Variants in TTC6 observed in about 807,000 individuals in gnomAD.
TTC6 encodes the protein tetratricopeptide repeat domain 6, also known as tetratricopeptide repeat protein 6.
TTC6 carries 172 observed loss-of-function variants against 210.4 expected under a neutral mutation model. The observed-to-expected ratio is 0.82, with a 90% CI of 0.72 to 0.93. The LOEUF (loss-of-function observed/expected upper bound fraction) is 0.93, where lower values mean the gene tolerates loss of function less well. Among genes scored for constraint, TTC6 ranks in the 40% least tolerant of loss-of-function variants. The pLI, the probability that TTC6 is intolerant of heterozygous loss-of-function variation, is 0.00. For synonymous variants in TTC6, 804 were observed against 819.6 expected, an observed-to-expected ratio of 0.98 and a Z score of 0.32; for missense variants, 2,414 against 2,318.1, an observed-to-expected ratio of 1.04 and a Z score of -0.85.
chr14:37,677,469 GTGTAATCA>G (rs2095772629), intron 1 of TTC6, among the ~76,000 whole-genome samples: 1 of 151,796 alleles, frequency 6.6e-6, no homozygotes, highest in Non-Finnish European at 1.5e-5. Context: ...TTCTGTATAT[GTGTAATCA>G]TATTCATTTG....
rs748131139 is a variant in TTC6 at position 37,796,802 on chromosome 14, G to A, written c.3884G>A (p.Ser1295Asn). Residue 1295 changes from serine to asparagine, a missense_variant, in exon 20 of 31, where the codon AGT (serine) becomes AAT (asparagine). Ser to Asn is a conservative substitution (Grantham distance 46, BLOSUM62 1). Transcript: ENST00000553443. Reference sequence around the variant, plus strand: ...TCCCTTTTAGGTCTCAGTGAGTTGAGTCCTATGCAGCAAGCCCTTATTTAT... The same window carrying A: ...TCCCTTTTAGGTCTCAGTGAGTTGAATCCTATGCAGCAAGCCCTTATTTAT... 35 of 1,604,950 alleles carry A rather than the reference G, an allele frequency of 2.2e-5. 1 individual carries two copies. Among genetic ancestry groups the A allele is most frequent in the South Asian group, 6.8e-5 (6 of 88,676 alleles).
intron 20 of TTC6, among the ~76,000 whole-genome samples, chr14:37,799,635 C>CA (rs2096101338): frequency 6.6e-6 from 1 of 152,192 alleles, no homozygotes; most frequent in South Asian, 2.1e-4. Flanking sequence ...CTTAAAAAAG[C>CA]AAAGAATTAT....
intron 28 of TTC6, 47 bp downstream of exon 30, chr14:37,826,394 G>T (rs1439112889): frequency 4.1e-6 from 6 of 1,450,290 alleles, no homozygotes; most frequent in Non-Finnish European, 5.5e-6. Flanking sequence ...AATTAACACT[G>T]TCAATGAATA....
intron 1 of TTC6, among the ~76,000 whole-genome samples, chr14:37,644,286 C>CTTTT (rs2139395947): frequency 6.6e-6 from 1 of 152,156 alleles, no homozygotes; most frequent in Non-Finnish European, 1.5e-5. Flanking sequence ...AATGCAATAC[C>CTTTT]AATGTGGTGT....
chr14:37,738,710 T>C (rs2095908839), intron 9 of TTC6, 66 bp from the exon 12 acceptor site: 1 of 1,255,650 alleles, frequency 8.0e-7, no homozygotes, highest in African/African-American at 1.5e-5. Flanking sequence ...CAGAATTAAT[T>C]AATTTTGAAT....
chr14:37,823,666 G>T, intron 26 of TTC6, 81 bp from the exon 29 acceptor site: 1 of 1,265,350 alleles, frequency 7.9e-7, no homozygotes, highest in Admixed American at 2.1e-5. Flanking sequence ...TTATGGAAAA[G>T]TCAGTTATAG....
intron 1 of TTC6, among the ~76,000 whole-genome samples, chr14:37,643,971 G>T (rs917864206): frequency 6.6e-6 from 1 of 152,144 alleles, no homozygotes; most frequent in Non-Finnish European, 1.5e-5. Context: ...GGCTTTTTAT[G>T]CATGACTGTT....
At chr14:37,710,070 G>A (rs2095842244) in intron 5 of TTC6, among the ~76,000 whole-genome samples, 1 of 152,154 alleles carries the variant, frequency 6.6e-6, no homozygotes, top group African/African-American at 2.4e-5. Flanking sequence ...TGACTTTGAT[G>A]AAACTTTTGT....
At chr14:37,742,912 G>C (rs1215790087) in intron 10 of TTC6, among the ~76,000 whole-genome samples, 1 of 152,148 alleles carries the variant, frequency 6.6e-6, no homozygotes, top group Non-Finnish European at 1.5e-5. Flanking sequence ...AAGATGAATA[G>C]CCTATCCACA....
intron 27 of TTC6, 144 bp downstream of exon 29, chr14:37,824,101 T>C: frequency 1.2e-6 from 1 of 802,854 alleles, no homozygotes; most frequent in Admixed American, 2.7e-5. Flanking sequence ...AGAGTAGCAG[T>C]GGGAGCAGGG....
At chr14:37,653,166 C>T (rs188089218) in intron 1 of TTC6, among the ~76,000 whole-genome samples, 6 of 152,276 alleles carry the variant, frequency 3.9e-5, no homozygotes, top group East Asian at 1.9e-4. Flanking sequence ...GCAGTGGCTC[C>T]GGCCTTTGCC....
chr14:37,742,407 GTTTTGTTTT>G (rs2095923060), intron 10 of TTC6, among the ~76,000 whole-genome samples: 2 of 142,314 alleles, frequency 1.4e-5, no homozygotes, highest in Admixed American at 7.1e-5. Context: ...TTGTTTTTTT[GTTTTGTTTT>G]TTTTGTTTTT....
chr14:37,639,970 A>G (rs1409799738), intron 1 of TTC6, among the ~76,000 whole-genome samples: 1 of 150,668 alleles, frequency 6.6e-6, no homozygotes, highest in Non-Finnish European at 1.5e-5. Context: ...TATATAATAT[A>G]TACTAGGTCA....
At chr14:37,626,708 T>C (rs1441296211) in intron 1 of TTC6, among the ~76,000 whole-genome samples, 22 of 152,192 alleles carry the variant, frequency 1.4e-4, no homozygotes, top group Admixed American at 8.5e-4. Flanking sequence ...CTAAAGAAGC[T>C]GGTAACATAC....
intron 26 of TTC6, among the ~76,000 whole-genome samples, chr14:37,819,043 A>G (rs533907725): frequency 6.6e-6 from 1 of 152,228 alleles, no homozygotes; most frequent in Admixed American, 6.5e-5. Flanking sequence ...CTGGGTATAT[A>G]CAGGAGAGCC....
At chr14:37,653,759 A>G (rs1464168159) in intron 1 of TTC6, among the ~76,000 whole-genome samples, 1 of 152,148 alleles carries the variant, frequency 6.6e-6, no homozygotes, top group African/African-American at 2.4e-5. Context: ...CATTTCTTAG[A>G]GAGTTGTTGA....
At chr14:37,807,391 G>A in exon 23 of TTC6, 1 of 1,530,524 alleles carries the variant, frequency 6.5e-7, no homozygotes, top group South Asian at 1.2e-5. Context: ...ATTGTAACAA[G>A]GCTATTAAAA....
chr14:37,702,999 T>G (rs1251992229), intron 5 of TTC6, among the ~76,000 whole-genome samples: 1 of 152,154 alleles, frequency 6.6e-6, no homozygotes, highest in African/African-American at 2.4e-5. Context: ...AAAAATTGTA[T>G]ATGAAGAATT....
At chr14:37,808,772 A>G in exon 24 of TTC6, 1 of 1,525,090 alleles carries the variant, frequency 6.6e-7, no homozygotes, top group South Asian at 1.3e-5. Context: ...TACAGCTATC[A>G]GCATGGACAA....
Sources: gnomAD v4.1 joint callset for allele counts (sites outside exome capture counted in the v4.1 genomes callset) on GRCh38, gnomAD v4.1.1 for gene constraint, MANE v1.5 for transcripts, NCBI Gene and HGNC (gene_info 2026-07-23, HGNC 2026-07-21) for gene names.